The following SMC6 variants were observed in gnomAD, a reference collection of about 807,000 sequenced individuals.
SMC6 encodes the protein structural maintenance of chromosomes 6, also known as structural maintenance of chromosomes protein 6.
In SMC6, 79 loss-of-function variants were observed where a neutral mutation model predicts 142.2. The observed-to-expected ratio is 0.56, with a 90% CI of 0.46 to 0.67. SMC6 has a LOEUF of 0.67. SMC6 is among the 30% of genes least tolerant of loss of function. SMC6 has a pLI of 0.00. For missense variants in SMC6, 1,072 were observed against 1,284.0 expected (o/e 0.83, Z 2.52); for synonymous variants, 411 against 412.4 (o/e 1.00, Z 0.04).
chr2:17,700,138 C>T, intron 21 of SMC6, 70 bp downstream of exon 21: 1 of 1,045,946 alleles, frequency 9.6e-7, no homozygotes, highest in Non-Finnish European at 1.3e-6. Context: ...AGGCCAATAT[C>T]CATAGAGTAC....
intron 25 of SMC6, among the ~76,000 whole-genome samples, chr2:17,676,639 A>G (rs750490343): frequency 5.3e-5 from 8 of 152,100 alleles, no homozygotes; most frequent in Non-Finnish European, 8.8e-5. Context: ...CAATTTGGGA[A>G]GAACTTACTT....
chr2:17,726,884 G>A (rs909672991), intron 7 of SMC6, among the ~76,000 whole-genome samples: 7 of 152,132 alleles, frequency 4.6e-5, no homozygotes, highest in African/African-American at 1.7e-4. Flanking sequence ...TCTTGTTTGA[G>A]CTCTGTTGCT....
At chr2:17,667,885 T>C (rs1666574734) in intron 26 of SMC6, among the ~76,000 whole-genome samples, 1 of 152,152 alleles carries the variant, frequency 6.6e-6, no homozygotes, top group East Asian at 1.9e-4. Flanking sequence ...AATAAAACTG[T>C]ATGTGGCAAT....
At chr2:17,707,164 T>C in intron 18 of SMC6, 55 bp downstream of exon 18, 1 of 1,336,928 alleles carries the variant, frequency 7.5e-7, no homozygotes, top group Non-Finnish European at 9.8e-7. Flanking sequence ...TGAAAGAAAA[T>C]GAACCCCCAA....
Position 17,716,090 on chromosome 2 carries a change from A to T in SMC6, c.1521T>A (p.Pro507=), listed in dbSNP as rs1669070040. 1 of 1,529,034 alleles carries T rather than the reference A, an allele frequency of 6.5e-7. No individual in the cohort carries two copies. The highest frequency in any genetic ancestry group is 1.4e-5 in the African/African-American group (1 of 70,042). The allele number at this position is 1,529,034 out of a possible 1,614,324, so 94.7% of individuals were successfully genotyped here. ...QGHFTYKPVG[P]LGACIHLRDP... is the part of the protein sequence containing the mutation. ...TCGCTAAATTAAGACAAATACCTAA[A>T]GGGCCTACAGGTTTATAGGTAAAAT... Residue 507 remains proline, a synonymous_variant, in exon 15 of 28, where the codon CCT becomes CCA. Transcript: ENST00000448223.
At chr2:17,710,185 G>C (rs1250862817) in intron 16 of SMC6, among the ~76,000 whole-genome samples, 1 of 152,224 alleles carries the variant, frequency 6.6e-6, no homozygotes, top group African/African-American at 2.4e-5. Flanking sequence ...TGAGCCAGTA[G>C]AGTCACCACA....
At chr2:17,738,433 T>G (rs2125064072) in intron 4 of SMC6, 107 bp from the exon 5 acceptor site, 1 of 622,444 alleles carries the variant, frequency 1.6e-6, no homozygotes, top group African/African-American at 1.9e-5. Context: ...CACTTTAAAA[T>G]AAAATGTTAA....
intron 24 of SMC6, chr2:17,679,195 T>C (rs1442144833): frequency 2.5e-6 from 1 of 403,344 alleles, no homozygotes; most frequent in East Asian, 4.4e-5. Context: ...AAAAAATTAA[T>C]GAAATGAATT....
chr2:17,720,834 CA>C, intron 11 of SMC6, 105 bp downstream of exon 11: 1 of 955,976 alleles, frequency 1.0e-6, no homozygotes, highest in Non-Finnish European at 1.6e-6. Context: ...CAAATATAGA[CA>C]AATATACTGT....
intron 16 of SMC6, among the ~76,000 whole-genome samples, chr2:17,709,233 A>T (rs759935451): frequency 1.4e-5 from 2 of 141,270 alleles, no homozygotes; most frequent in Non-Finnish European, 2.9e-5. Context: ...AATCTCATAC[A>T]GTTATCATAC....
At position 17,745,964 on chromosome 2, in the gene SMC6, T is replaced by A. The variant is rs1178307739; in HGVS notation, c.-5-13A>T. On this transcript the variant is annotated splice_polypyrimidine_tract_variant and intron_variant, in intron 2 of 27. Transcript: ENST00000448223. ...TTGGCCATCAGGTCTGAACAAATATTTATAGTAACAATGAGGTAAATCAAG... is the reference window on the plus strand; with the variant it reads ...TTGGCCATCAGGTCTGAACAAATATATATAGTAACAATGAGGTAAATCAAG... 1 of 1,581,514 alleles carries A rather than the reference T, an allele frequency of 6.3e-7. No homozygotes were observed.
At chr2:17,681,930 G>A (rs909346802) in intron 24 of SMC6, 3 of 152,124 alleles carry the variant, frequency 2.0e-5, no homozygotes, top group Non-Finnish European at 2.9e-5. Context: ...TTTGTAAAGT[G>A]CAGTAAAGTG....
At chr2:17,718,406 T>C (rs1341173382) in intron 11 of SMC6, among the ~76,000 whole-genome samples, 183 bp from the exon 12 acceptor site, 1 of 152,234 alleles carries the variant, frequency 6.6e-6, no homozygotes, top group Admixed American at 6.5e-5. Context: ...CACAGTTAGT[T>C]ATCCAACAAA....
chr2:17,730,468 A>G (rs1359887278), intron 7 of SMC6, among the ~76,000 whole-genome samples: 2 of 152,152 alleles, frequency 1.3e-5, no homozygotes, highest in Admixed American at 6.6e-5. Context: ...TAGGACAGCA[A>G]AAAGCAAAGA....
chr2:17,734,230 C>T (rs1038383114), intron 5 of SMC6, among the ~76,000 whole-genome samples: 1 of 152,144 alleles, frequency 6.6e-6, no homozygotes, highest in Admixed American at 6.5e-5. Flanking sequence ...TCTGGTCCCT[C>T]AAGAGACCCC....
intron 25 of SMC6, among the ~76,000 whole-genome samples, chr2:17,671,811 C>G (rs1666777832): frequency 6.6e-6 from 1 of 151,536 alleles, no homozygotes. Context: ...ACACAATTTC[C>G]TGAGAATATA....
At chr2:17,692,339 T>C (rs1350889742) in intron 23 of SMC6, among the ~76,000 whole-genome samples, 1 of 152,188 alleles carries the variant, frequency 6.6e-6, no homozygotes, top group East Asian at 1.9e-4. Flanking sequence ...AACAGCATGG[T>C]ACTGGTACCA....
rs140339629 is a variant in SMC6 at position 17,700,701 on chromosome 2, G to A, written c.2224-323C>T. Among the ~76,000 whole-genome samples the A allele has an allele frequency of 5.9e-3, 891 of 152,142 alleles. 4 individuals carry two copies. Among genetic ancestry groups the A allele is most frequent in the Admixed American group, 0.011 (168 of 15,256 alleles). On this transcript the variant is annotated intron_variant, in intron 20 of 27. Coordinates refer to ENST00000448223, the MANE Select transcript of SMC6 (RefSeq NM_001142286.2). ...TGCCAGAGAATATGTTAGATGCTAA[G>A]TAAACAAACATAAATAAGATATTAT... is the stretch of plus-strand genomic sequence containing the variant.
intron 4 of SMC6, among the ~76,000 whole-genome samples, chr2:17,740,478 G>A (rs1179333755): frequency 6.6e-6 from 1 of 152,172 alleles, no homozygotes; most frequent in Non-Finnish European, 1.5e-5. Flanking sequence ...TCTGCCTTCT[G>A]TATTTTTCCC....
Sources: gnomAD v4.1 joint callset for allele counts (sites outside exome capture counted in the v4.1 genomes callset) on GRCh38, gnomAD v4.1.1 for gene constraint, MANE v1.5 for transcripts, NCBI Gene and HGNC (gene_info 2026-07-23, HGNC 2026-07-21) for gene names.